The following ENOX2 variants were observed in gnomAD, a reference collection of about 807,000 sequenced individuals.
ENOX2 encodes APK1 antigen.
A neutral mutation model predicts 45.0 loss-of-function variants in ENOX2; 36 were observed. The observed-to-expected ratio is 0.80, with a 90% CI of 0.61 to 1.06. ENOX2 has a LOEUF of 1.06. Among genes scored for constraint, ENOX2 ranks in the 50% least tolerant of loss-of-function variants. The pLI is 0.00. For synonymous variants in ENOX2, 174 were observed against 152.3 expected (o/e 1.14, Z -1.05); for missense variants, 423 against 462.5 (o/e 0.91, Z 0.78).
intron 3 of ENOX2, among the ~76,000 whole-genome samples, chrX:130,775,533 A>G (rs762008539): frequency 9.0e-6 from 1 of 111,409 alleles, no homozygotes; most frequent in African/African-American, 3.3e-5. Context: ...CTAGAGGTAG[A>G]CCTACAGGCC....
rs897495934 is a variant in ENOX2, at chrX:130,719,375, G to T, written c.-38-16121C>A. ...AGGCTACCTGCTTAGGTGCCCAGGA[G>T]GGGGTGTGAGAGAAAGAATGCTGGT... On this transcript the variant is annotated intron_variant, in intron 3 of 14. Coordinates refer to ENST00000394363, the MANE Select transcript of ENOX2 (RefSeq NM_006375.4). Among the ~76,000 whole-genome samples the T allele has an allele frequency of 6.4e-5, 7 of 109,376 alleles. No individual in the cohort carries two copies. The East Asian group carries it at 2.0e-3, about 31-fold the overall frequency. 95.0% of individuals were successfully genotyped at this position (109,376 alleles called of 115,157 possible). A position where few individuals can be genotyped will look rare whatever the true frequency, so the allele number is the denominator to read the frequency against.
At chrX:130,706,041 A>G (rs2038029235) in intron 3 of ENOX2, among the ~76,000 whole-genome samples, 1 of 112,195 alleles carries the variant, frequency 8.9e-6, no homozygotes, top group African/African-American at 3.2e-5. Flanking sequence ...ACCTCATTGG[A>G]ATTAATTACT....
chrX:130,875,049 A>C (rs757259429), intron 2 of ENOX2, among the ~76,000 whole-genome samples: 1 of 111,816 alleles, frequency 8.9e-6, no homozygotes, highest in East Asian at 2.8e-4. Context: ...GTCTTATATT[A>C]CATATTTATA....
Position 130,622,372 on chromosome X carries a change from C to T in ENOX2, c.*2942G>A, listed in dbSNP as rs895888512. Among the ~76,000 whole-genome samples the T allele has an allele frequency of 9.0e-6, 1 of 111,474 alleles. No homozygotes were observed. The highest frequency in any genetic ancestry group is 1.9e-5 in the Non-Finnish European group (1 of 53,136). On this transcript the variant is annotated 3_prime_UTR_variant, in exon 15 of 15. Transcript: ENST00000394363. ...TATTCTGCCTTATATGAAAAGCATA[C>T]ATTTTGGGGCCAAAATTAAAAAAAA...
intron 2 of ENOX2, among the ~76,000 whole-genome samples, chrX:130,835,209 G>C (rs1328636931): frequency 9.0e-6 from 1 of 111,330 alleles, no homozygotes; most frequent in Non-Finnish European, 1.9e-5. Flanking sequence ...GGAGGCGGTG[G>C]GGGGTGGAAC....
chrX:130,821,541 T>G (rs1603360034), intron 2 of ENOX2, among the ~76,000 whole-genome samples: 1 of 29,980 alleles, frequency 3.3e-5, no homozygotes. Flanking sequence ...GGGACGGTGG[T>G]GGGGTCGGGG....
At chrX:130,894,039 C>T (rs971257599) in intron 2 of ENOX2, among the ~76,000 whole-genome samples, 1 of 112,210 alleles carries the variant, frequency 8.9e-6, no homozygotes, top group Non-Finnish European at 1.9e-5. Flanking sequence ...GAATATTCAT[C>T]TGAGTAACAT....
At chrX:130,823,134 C>T (rs1387464267) in intron 2 of ENOX2, among the ~76,000 whole-genome samples, 1 of 111,901 alleles carries the variant, frequency 8.9e-6, no homozygotes, top group Admixed American at 9.5e-5. Flanking sequence ...GGAAGTCTAA[C>T]AGAAGAACAC....
chrX:130,697,162 G>A (rs1019630567), intron 4 of ENOX2, among the ~76,000 whole-genome samples: 6 of 111,170 alleles, frequency 5.4e-5, no homozygotes, highest in African/African-American at 2.0e-4. Flanking sequence ...TTGATGCACT[G>A]TTTCCTCTGC....
intron 10 of ENOX2, among the ~76,000 whole-genome samples, chrX:130,652,213 C>T (rs1242754701): frequency 1.8e-5 from 2 of 111,978 alleles, no homozygotes. Context: ...TCAATGACTA[C>T]TTACTTCTAT....
chrX:130,721,275 G>A (rs1053427243), intron 3 of ENOX2, among the ~76,000 whole-genome samples: 16 of 111,905 alleles, frequency 1.4e-4, no homozygotes, highest in African/African-American at 4.9e-4. Context: ...ACAGAAGGCA[G>A]ATAATCTGTG....
chrX:130,801,613 A>G (rs982018036), intron 2 of ENOX2, among the ~76,000 whole-genome samples: 4 of 112,327 alleles, frequency 3.6e-5, no homozygotes, highest in Admixed American at 1.9e-4. Flanking sequence ...ATAACTTTAC[A>G]CAAAAGAGAT....
At chrX:130,836,879 C>T (rs1280051228) in intron 2 of ENOX2, among the ~76,000 whole-genome samples, 5 of 111,692 alleles carry the variant, frequency 4.5e-5, no homozygotes, top group African/African-American at 1.6e-4. Context: ...GGGTTATTTT[C>T]CTCATGGCAT....
chrX:130,820,464 C>T (rs186675413), intron 2 of ENOX2, among the ~76,000 whole-genome samples: 37 of 111,991 alleles, frequency 3.3e-4, no homozygotes, highest in Non-Finnish European at 1.3e-4. Context: ...TTTTAGGTGT[C>T]CATCCAAAGG....
chrX:130,892,778 G>A (rs2079003792), intron 2 of ENOX2, among the ~76,000 whole-genome samples: 1 of 112,839 alleles, frequency 8.9e-6, no homozygotes, highest in South Asian at 3.6e-4. Context: ...TGACTTGGTT[G>A]ATTTCAGAGC....
rs146824799 is a variant in ENOX2 at position 130,637,138 on chromosome X, T to C, written c.1311+91A>G. ...TATTACATCAAGAAGAATAATAGGTTTGATATTCAATTTGATTGCAGGGGA... is the reference window on the plus strand; with the variant it reads ...TATTACATCAAGAAGAATAATAGGTCTGATATTCAATTTGATTGCAGGGGA... On this transcript the variant is annotated intron_variant, in intron 11 of 14. Transcript: ENST00000394363. The C allele has an allele frequency of 1.3e-5, 9 of 700,529 alleles. No individual in the cohort carries two copies. In the East Asian group the frequency reaches 2.9e-4, roughly 22 times the overall value. 57.7% of individuals were successfully genotyped at this position (700,529 alleles called of 1,213,427 possible).
At chrX:130,758,301 A>G (rs1307486067) in intron 3 of ENOX2, among the ~76,000 whole-genome samples, 4 of 112,130 alleles carry the variant, frequency 3.6e-5, no homozygotes, top group Non-Finnish European at 7.5e-5. Context: ...TTAACCCCTG[A>G]CAACCACCAG....
Position 130,635,063 on chromosome X carries a change from T to G in ENOX2, c.1340A>C (p.Lys447Thr), listed in dbSNP as rs1211332249. The G allele has an allele frequency of 8.5e-7, 1 of 1,178,319 alleles. No homozygotes were observed. The highest frequency in any genetic ancestry group is 1.8e-5 in the African/African-American group (1 of 56,598). The stretch of plus-strand genomic sequence containing the variant: ...TTTTTCAAGTTCAGCTTCTTTCTTT[T>G]TGTATTCCTCTTGGACTTTGAGTAG... ...QHLLKVQEEY[K>T]KKEAELEKLK... The change falls in exon 12 of 15, where the codon AAA becomes ACA. Residue 447 changes from lysine (K) to threonine (T), a missense_variant. Lys to Thr is a moderately conservative substitution (Grantham distance 78). Transcript: ENST00000394363.
rs373937044 is a variant in ENOX2 at position 130,688,882 on chromosome X, C to T, written c.234G>A (p.Thr78=). 10 of 1,196,115 alleles carry T rather than the reference C, an allele frequency of 8.4e-6. No homozygotes were observed. Among genetic ancestry groups the T allele is most frequent in the African/African-American group, 3.5e-5 (2 of 56,836 alleles). Residue 78 remains threonine, a synonymous_variant, in exon 5 of 15, where the codon ACG becomes ACA. Transcript: ENST00000394363. Reference sequence around the variant, plus strand: ...TATTACTTGGATTTGGAGGGAAGAGCGTGCAGCTTTTACAGTGTATGATCT... The same window carrying T: ...TATTACTTGGATTTGGAGGGAAGAGTGTGCAGCTTTTACAGTGTATGATCT... ...VKEIIHCKSC[T]LFPPNPNLPP... is the part of the protein sequence containing the mutation.
Sources: gnomAD v4.1 joint callset for allele counts (sites outside exome capture counted in the v4.1 genomes callset) on GRCh38, gnomAD v4.1.1 for gene constraint, MANE v1.5 for transcripts, NCBI Gene and HGNC (gene_info 2026-07-23, HGNC 2026-07-21) for gene names.